The following SLIT3 variants were observed in gnomAD, a reference collection of about 807,000 sequenced individuals.
SLIT3 encodes the protein slit guidance ligand 3.
In SLIT3, 68 loss-of-function variants were observed where a neutral mutation model predicts 184.0. The ratio of observed to expected loss-of-function variants is 0.37; its 90% confidence interval spans 0.30 to 0.45. The LOEUF (loss-of-function observed/expected upper bound fraction) is 0.45, where lower values mean the gene tolerates loss of function less well. Among genes scored for constraint, SLIT3 ranks in the 20% least tolerant of loss-of-function variants. SLIT3 has a pLI of 1.00. For missense variants in SLIT3, 1,707 were observed against 2,026.0 expected, an observed-to-expected ratio of 0.84 and a Z score of 3.02; for synonymous variants, 831 against 828.6, an observed-to-expected ratio of 1.00 and a Z score of -0.05.
At chr5:168,920,691 G>A (rs1761607789) in intron 4 of SLIT3, among the ~76,000 whole-genome samples, 1 of 152,186 alleles carries the variant, frequency 6.6e-6, no homozygotes, top group Non-Finnish European at 1.5e-5. Flanking sequence ...TACTTCTCTT[G>A]GCGTGGGTGA....
chr5:168,827,515 C>T (rs939127708), intron 6 of SLIT3, among the ~76,000 whole-genome samples: 1 of 152,232 alleles, frequency 6.6e-6, no homozygotes, highest in African/African-American at 2.4e-5. Context: ...CTGACACTCA[C>T]TGTGATCTCC....
chr5:168,891,045 C>T (rs1400819036), intron 4 of SLIT3, among the ~76,000 whole-genome samples: 3 of 152,214 alleles, frequency 2.0e-5, no homozygotes, highest in Non-Finnish European at 4.4e-5. Context: ...CTGGGATAGG[C>T]ATCAGAGATA....
At position 168,958,838 on chromosome 5, in the gene SLIT3, A is replaced by G. The variant is rs150890967; in HGVS notation, c.414-75502T>C. On this transcript the variant is annotated intron_variant, in intron 4 of 35. Transcript: ENST00000519560. ...ACTCCATCCTTCTCCCTCCCAATAC[A>G]TAATCTAACCTAACCCCTTGGATCT... Among the ~76,000 whole-genome samples the G allele has an allele frequency of 3.5e-3, 534 of 152,334 alleles. 1 individual carries two copies. The highest frequency in any genetic ancestry group is 0.012 in the African/African-American group (499 of 41,584).
At chr5:168,956,893 T>C (rs1284032895) in intron 4 of SLIT3, among the ~76,000 whole-genome samples, 2 of 151,584 alleles carry the variant, frequency 1.3e-5, no homozygotes, top group Non-Finnish European at 2.9e-5. Context: ...CAGGTCTGCA[T>C]ATTCTCTTCA....
At chr5:168,935,226 T>C (rs1045448026) in intron 4 of SLIT3, among the ~76,000 whole-genome samples, 7 of 151,992 alleles carry the variant, frequency 4.6e-5, no homozygotes, top group African/African-American at 1.7e-4. Flanking sequence ...AGATGAGAAG[T>C]TGAGACTCAG....
intron 4 of SLIT3, among the ~76,000 whole-genome samples, chr5:169,087,853 G>T (rs929989204): frequency 6.6e-6 from 1 of 152,142 alleles, no homozygotes; most frequent in Non-Finnish European, 1.5e-5. Context: ...TTCACAGGGA[G>T]GAATGTATGC....
chr5:168,897,992 T>C (rs1269282872), intron 4 of SLIT3, among the ~76,000 whole-genome samples: 2 of 152,200 alleles, frequency 1.3e-5, no homozygotes, highest in African/African-American at 4.8e-5. Context: ...GCTCCAGTCC[T>C]TCCAGTCCCC....
At chr5:168,771,797 A>C (rs190952209) in intron 14 of SLIT3, among the ~76,000 whole-genome samples, 35 of 152,336 alleles carry the variant, frequency 2.3e-4, no homozygotes, top group Admixed American at 2.1e-3. Flanking sequence ...AAGAAGCACA[A>C]GTCTGCCTGG....
intron 4 of SLIT3, among the ~76,000 whole-genome samples, chr5:169,080,092 T>C (rs1173831130): frequency 1.3e-5 from 2 of 151,946 alleles, no homozygotes; most frequent in East Asian, 1.9e-4. Flanking sequence ...AGTGGACATG[T>C]ATAGCTAAGG....
At chr5:169,235,781 A>T (rs1233195870) in intron 3 of SLIT3, among the ~76,000 whole-genome samples, 2 of 152,214 alleles carry the variant, frequency 1.3e-5, no homozygotes, top group African/African-American at 2.4e-5. Context: ...TTTTCACTTA[A>T]GACTGAGATG....
At chr5:168,717,632 G>A (rs1762783817) in intron 23 of SLIT3, among the ~76,000 whole-genome samples, 1 of 151,890 alleles carries the variant, frequency 6.6e-6, no homozygotes, top group South Asian at 2.1e-4. Context: ...CAATGATCTT[G>A]AACAAGTCAC....
At chr5:169,030,296 C>A (rs1756979846) in intron 4 of SLIT3, 1 of 152,220 alleles carries the variant, frequency 6.6e-6, no homozygotes, top group African/African-American at 2.4e-5. Flanking sequence ...CTTTCCTAGT[C>A]CACTTTTCAT....
intron 7 of SLIT3, among the ~76,000 whole-genome samples, chr5:168,819,219 G>C (rs574554086): frequency 4.2e-4 from 64 of 152,376 alleles, no homozygotes; most frequent in Non-Finnish European, 7.6e-4. Context: ...AGAATCCTAA[G>C]CTGGTGGGAA....
intron 4 of SLIT3, among the ~76,000 whole-genome samples, chr5:169,104,562 G>A (rs1021000490): frequency 6.6e-6 from 1 of 152,198 alleles, no homozygotes; most frequent in African/African-American, 2.4e-5. Context: ...TCAACAAATG[G>A]ATTGGCAGGT....
intron 3 of SLIT3, among the ~76,000 whole-genome samples, chr5:169,228,299 C>T (rs2113546144): frequency 6.6e-6 from 1 of 152,012 alleles, no homozygotes; most frequent in Admixed American, 6.6e-5. Context: ...AGGTCAAGGG[C>T]CAAAAAGGCC....
intron 3 of SLIT3, among the ~76,000 whole-genome samples, chr5:169,240,552 C>A (rs75717088): frequency 7.2e-6 from 1 of 139,228 alleles, no homozygotes; most frequent in Non-Finnish European, 1.5e-5. Flanking sequence ...ACTAACCTTT[C>A]GGTTAGTGTT....
intron 4 of SLIT3, among the ~76,000 whole-genome samples, chr5:168,933,076 G>T (rs1282558513): frequency 6.6e-6 from 1 of 152,202 alleles, no homozygotes; most frequent in Admixed American, 6.5e-5. Context: ...AAGCTTGTGG[G>T]ATTGAAGAGA....
At chr5:168,740,827 T>C (rs934594620) in intron 20 of SLIT3, among the ~76,000 whole-genome samples, 1 of 152,236 alleles carries the variant, frequency 6.6e-6, no homozygotes, top group Non-Finnish European at 1.5e-5. Flanking sequence ...ATTTCAGTTT[T>C]CGTTCCATGA....
chr5:168,742,301 A>G (rs1214732774), intron 20 of SLIT3, among the ~76,000 whole-genome samples: 3 of 151,364 alleles, frequency 2.0e-5, no homozygotes, highest in Admixed American at 1.3e-4. Flanking sequence ...ATCGCAGGCT[A>G]GCATGTTTTT....
Sources: gnomAD v4.1 joint callset for allele counts (sites outside exome capture counted in the v4.1 genomes callset) on GRCh38, gnomAD v4.1.1 for gene constraint, MANE v1.5 for transcripts, NCBI Gene and HGNC (gene_info 2026-07-23, HGNC 2026-07-21) for gene names.